HDAC9: variants seen among roughly 807,000 people sequenced by gnomAD.
The protein encoded by HDAC9 is MEF-2 interacting transcription repressor (MITR) protein.
A neutral mutation model predicts 139.4 loss-of-function variants in HDAC9; 41 were observed. That is an observed-to-expected ratio of 0.29 (90% CI 0.23 to 0.38). The LOEUF (loss-of-function observed/expected upper bound fraction) is 0.38, where lower values mean the gene tolerates loss of function less well. Among genes scored for constraint, HDAC9 ranks in the 10% least tolerant of loss-of-function variants. The pLI, the probability that HDAC9 is intolerant of heterozygous loss-of-function variation, is 1.00. For synonymous variants in HDAC9, 517 were observed against 476.2 expected (o/e 1.09, Z -1.12); for missense variants, 1,147 against 1,297.0 (o/e 0.88, Z 1.78).
intron 1 of HDAC9, among the ~76,000 whole-genome samples, chr7:18,454,025 C>T (rs541926696): frequency 8.6e-5 from 13 of 151,830 alleles, no homozygotes; most frequent in Middle Eastern, 3.4e-3. Context: ...TAATCTAATG[C>T]GAAAACAGAC....
intron 2 of HDAC9, among the ~76,000 whole-genome samples, chr7:18,171,622 C>T (rs569882935): frequency 7.2e-5 from 11 of 152,190 alleles, no homozygotes; most frequent in East Asian, 1.9e-4. Context: ...TATGTTCCAT[C>T]GATACCTAGT....
intron 12 of HDAC9, among the ~76,000 whole-genome samples, chr7:18,715,388 A>G (rs1472405214): frequency 2.0e-5 from 3 of 152,116 alleles, no homozygotes; most frequent in Non-Finnish European, 2.9e-5. Flanking sequence ...CTCCTAGTTC[A>G]ATGACAAAAG....
chr7:18,253,362 T>C (rs2389938), intron 2 of HDAC9, among the ~76,000 whole-genome samples: 118,118 of 151,780 alleles, frequency 0.78, 46,080 homozygotes, highest in South Asian at 0.86. Context: ...TAATTTACAC[T>C]CCTACCAATA....
intron 22 of HDAC9, among the ~76,000 whole-genome samples, chr7:18,901,909 A>C (rs1585266151): frequency 6.6e-6 from 1 of 152,138 alleles, no homozygotes; most frequent in Non-Finnish European, 1.5e-5. Flanking sequence ...TGCCAGATTC[A>C]ATTTAGTCAC....
At chr7:18,853,620 C>G (rs111496803) in intron 21 of HDAC9, among the ~76,000 whole-genome samples, 1 of 151,866 alleles carries the variant, frequency 6.6e-6, no homozygotes, top group Admixed American at 6.6e-5. Flanking sequence ...TTTAAAGTAC[C>G]TATTTGAAAC....
At chr7:18,639,673 A>T (rs1784961592) in intron 8 of HDAC9, among the ~76,000 whole-genome samples, 1 of 152,084 alleles carries the variant, frequency 6.6e-6, no homozygotes, top group Non-Finnish European at 1.5e-5. Flanking sequence ...CCATAGGCAA[A>T]TATTAAATGA....
intron 11 of HDAC9, among the ~76,000 whole-genome samples, chr7:18,652,517 C>A (rs146718635): frequency 6.6e-6 from 1 of 151,738 alleles, no homozygotes; most frequent in Non-Finnish European, 1.5e-5. Context: ...TCTCTAGTCA[C>A]TTCACTATTT....
At chr7:18,177,874 T>C (rs1182368245) in intron 2 of HDAC9, among the ~76,000 whole-genome samples, 1 of 152,170 alleles carries the variant, frequency 6.6e-6, no homozygotes, top group Non-Finnish European at 1.5e-5. Flanking sequence ...CTGATTATAG[T>C]GGTGCTAGGG....
chr7:18,608,086 A>G (rs1244355768), intron 6 of HDAC9, among the ~76,000 whole-genome samples: 3 of 152,184 alleles, frequency 2.0e-5, no homozygotes, highest in Non-Finnish European at 2.9e-5. Flanking sequence ...AGTATTCACA[A>G]CTATAGAACT....
chr7:18,841,685 C>T (rs185377542), intron 21 of HDAC9, among the ~76,000 whole-genome samples: 4 of 152,026 alleles, frequency 2.6e-5, no homozygotes, highest in South Asian at 2.1e-4. Flanking sequence ...AATCATATAG[C>T]GAAAAATTCT....
intron 25 of HDAC9, among the ~76,000 whole-genome samples, chr7:18,983,042 G>C (rs1050491846): frequency 7.2e-5 from 11 of 152,138 alleles, no homozygotes; most frequent in African/African-American, 2.7e-4. Context: ...TTGTGCAACA[G>C]GTTTCTGGAA....
At chr7:18,831,542 T>C (rs1314864435) in intron 19 of HDAC9, among the ~76,000 whole-genome samples, 1 of 152,162 alleles carries the variant, frequency 6.6e-6, no homozygotes, top group East Asian at 1.9e-4. Flanking sequence ...GAAGTTTTTG[T>C]TTCAAATTAT....
rs142534916 is a variant in HDAC9 at position 18,692,058 on chromosome 7, G to C, written c.1731+25582G>C. Among the ~76,000 whole-genome samples, 687 of 152,150 alleles carry C rather than the reference G, an allele frequency of 4.5e-3. 1 individual carries two copies. Among genetic ancestry groups the C allele is most frequent in the African/African-American group, 0.016 (660 of 41,522 alleles). ...TAATACCTGTCTCCTGGGGTAAATG[G>C]TGAATGAGTCTCAGAAAAGACAGCA... On this transcript the variant is annotated intron_variant, in intron 12 of 25. Coordinates refer to ENST00000686413, the MANE Select transcript of HDAC9 (RefSeq NM_178425.4).
Position 18,297,154 on chromosome 7 carries a change from A to C in HDAC9, c.-42+6639A>C, listed in dbSNP as rs192863637. On this transcript the variant is annotated intron_variant, in intron 1 of 3. Transcript: ENST00000413509. ...ACATGAAAGGAAGAAACCTGGGGACAAAAAGCTTAGGGAATGCCCATAGCT... is the reference window on the plus strand; with the variant it reads ...ACATGAAAGGAAGAAACCTGGGGACCAAAAGCTTAGGGAATGCCCATAGCT... Among the ~76,000 whole-genome samples, 9 of 152,324 alleles carry C rather than the reference A, an allele frequency of 5.9e-5. No homozygotes were observed. The East Asian group carries it at 1.5e-3, about 26-fold the overall frequency.
At chr7:18,489,432 C>T (rs915814636) in intron 1 of HDAC9, among the ~76,000 whole-genome samples, 1 of 151,862 alleles carries the variant, frequency 6.6e-6, no homozygotes, top group African/African-American at 2.4e-5. Flanking sequence ...TATTGAATAC[C>T]TATTTGCCAG....
intron 2 of HDAC9, among the ~76,000 whole-genome samples, chr7:18,201,442 G>C (rs1791116458): frequency 6.6e-6 from 1 of 152,206 alleles, no homozygotes; most frequent in South Asian, 2.1e-4. Flanking sequence ...CAAGGTGGAA[G>C]CCAGCTTCTT....
At chr7:18,820,681 C>T (rs1179912242) in intron 17 of HDAC9, among the ~76,000 whole-genome samples, 1 of 152,080 alleles carries the variant, frequency 6.6e-6, no homozygotes, top group Non-Finnish European at 1.5e-5. Context: ...TTTTATCATC[C>T]TTTACTGGCC....
At position 18,941,538 on chromosome 7, in the gene HDAC9, C is replaced by T. The variant is rs1374384691; in HGVS notation, c.2937+5596C>T. On this transcript the variant is annotated intron_variant, in intron 23 of 25. Transcript: ENST00000686413. Reference sequence around the variant, plus strand: ...AGGGAAGTTGTTTTGCCATCTTTTTCATCCTTTAGATTATGTATGGCTGAA... The same window carrying T: ...AGGGAAGTTGTTTTGCCATCTTTTTTATCCTTTAGATTATGTATGGCTGAA... 2.0e-5 allele frequency among the ~76,000 whole-genome samples: 3 copies of T among 152,252 alleles called. No individual in the cohort carries two copies. In the East Asian group the frequency reaches 5.8e-4, roughly 29 times the overall value.
At chr7:18,518,355 TG>T (rs1803902468) in intron 2 of HDAC9, among the ~76,000 whole-genome samples, 1 of 152,236 alleles carries the variant, frequency 6.6e-6, no homozygotes, top group South Asian at 2.1e-4. Context: ...GAAAATTGTC[TG>T]CAAACAAATA....
Sources: gnomAD v4.1 joint callset for allele counts (sites outside exome capture counted in the v4.1 genomes callset) on GRCh38, gnomAD v4.1.1 for gene constraint, MANE v1.5 for transcripts, NCBI Gene and HGNC (gene_info 2026-07-23, HGNC 2026-07-21) for gene names.